Variants in FRY observed in about 807,000 individuals in gnomAD.
FRY encodes the protein FRY microtubule binding protein, also known as protein furry homolog.
A neutral mutation model predicts 348.4 loss-of-function variants in FRY; 128 were observed. That is an observed-to-expected ratio of 0.37 (90% CI 0.32 to 0.43). FRY has a LOEUF of 0.43. Among genes scored for constraint, FRY ranks in the 20% least tolerant of loss-of-function variants. The pLI is 1.00. For synonymous variants in FRY, 1,370 were observed against 1,374.7 expected (o/e 1.00, Z 0.08); for missense variants, 2,736 against 3,695.2 (o/e 0.74, Z 6.73).
intron 7 of FRY, among the ~76,000 whole-genome samples, chr13:32,126,448 T>G (rs1354353887): frequency 6.6e-6 from 1 of 152,226 alleles, no homozygotes; most frequent in Non-Finnish European, 1.5e-5. Flanking sequence ...TAGGTAAGAT[T>G]TATGGTCCAC....
intron 11 of FRY, among the ~76,000 whole-genome samples, chr13:32,137,512 C>T (rs1879793790): frequency 6.6e-6 from 1 of 152,222 alleles, no homozygotes; most frequent in Admixed American, 6.5e-5. Context: ...TGAAGGTATC[C>T]TGTTCAAGCC....
At chr13:32,097,575 G>A (rs1177333483) in intron 2 of FRY, among the ~76,000 whole-genome samples, 3 of 151,838 alleles carry the variant, frequency 2.0e-5, no homozygotes, top group Non-Finnish European at 4.4e-5. Context: ...TGGCCAGGCT[G>A]GTCTCGAATT....
At chr13:32,187,409 A>G (rs1883085093) in intron 27 of FRY, 137 bp from the exon 28 acceptor site, 2 of 673,960 alleles carry the variant, frequency 3.0e-6, no homozygotes, top group Non-Finnish European at 2.7e-6. Flanking sequence ...GAATGCTTTA[A>G]AAATCATGGG....
chr13:32,278,055 G>T (rs933472803), intron 57 of FRY, among the ~76,000 whole-genome samples: 1 of 152,220 alleles, frequency 6.6e-6, no homozygotes, highest in Non-Finnish European at 1.5e-5. Context: ...ACCGCAGCAT[G>T]ACAGAAGTAG....
chr13:32,220,074 A>T (rs1885236031), intron 36 of FRY, among the ~76,000 whole-genome samples: 1 of 152,192 alleles, frequency 6.6e-6, no homozygotes, highest in Non-Finnish European at 1.5e-5. Context: ...GACATTTCAG[A>T]TTTGCTAAGG....
intron 1 of FRY, among the ~76,000 whole-genome samples, chr13:32,048,885 GAGTCAATAAAC>G: frequency 6.6e-6 from 1 of 152,330 alleles, no homozygotes; most frequent in East Asian, 1.9e-4. Context: ...AAGTGCCTGA[GAGTCAATAAAC>G]AGTCCTCCCT....
chr13:32,207,243 T>C (rs971981024), intron 31 of FRY, among the ~76,000 whole-genome samples: 1 of 152,240 alleles, frequency 6.6e-6, no homozygotes, highest in African/African-American at 2.4e-5. Context: ...TATTTGTTTT[T>C]GGGATTTTTT....
chr13:32,268,505 A>AAAATAT (rs1555273232), intron 55 of FRY, among the ~76,000 whole-genome samples: 1 of 28,304 alleles, frequency 3.5e-5, no homozygotes, highest in Non-Finnish European at 8.2e-5. Flanking sequence ...AAAAAAAAAA[A>AAAATAT]ATATATATAT....
chr13:32,109,825 T>C (rs1307698417), intron 3 of FRY, among the ~76,000 whole-genome samples: 1 of 152,172 alleles, frequency 6.6e-6, no homozygotes, highest in Non-Finnish European at 1.5e-5. Flanking sequence ...ATGTGGTCAC[T>C]CAACAAACAC....
At chr13:32,040,921 C>T (rs892788259) in intron 1 of FRY, among the ~76,000 whole-genome samples, 1 of 152,196 alleles carries the variant, frequency 6.6e-6, no homozygotes, top group African/African-American at 2.4e-5. Flanking sequence ...ATGCAAGAGG[C>T]TGTTAGAAAA....
At chr13:32,265,908 A>G (rs1226704711) in intron 54 of FRY, among the ~76,000 whole-genome samples, 1 of 152,226 alleles carries the variant, frequency 6.6e-6, no homozygotes, top group Non-Finnish European at 1.5e-5. Flanking sequence ...AGCTTTGAAG[A>G]TAAGCAACAC....
intron 3 of FRY, among the ~76,000 whole-genome samples, chr13:32,104,774 C>A (rs890929691): frequency 1.3e-5 from 2 of 152,098 alleles, no homozygotes; most frequent in Non-Finnish European, 2.9e-5. Context: ...CCAGTCTTCC[C>A]CATGCTATTC....
intron 1 of FRY, among the ~76,000 whole-genome samples, chr13:32,032,246 CT>C (rs1566038182): frequency 6.6e-6 from 1 of 152,118 alleles, no homozygotes; most frequent in Non-Finnish European, 1.5e-5. Flanking sequence ...TTTGTTCAGG[CT>C]TTCTCTAAAT....
chr13:32,105,830 G>A (rs950835782), intron 3 of FRY, among the ~76,000 whole-genome samples: 2 of 152,076 alleles, frequency 1.3e-5, no homozygotes, highest in Non-Finnish European at 2.9e-5. Flanking sequence ...ATGAACAACA[G>A]GGTATATAGA....
At chr13:32,122,644 T>C (rs762418044) in intron 4 of FRY, among the ~76,000 whole-genome samples, 8 of 152,206 alleles carry the variant, frequency 5.3e-5, no homozygotes, top group Non-Finnish European at 1.5e-5. Context: ...GGATACCTAC[T>C]GTCAGCACTC....
rs2072096760 is a variant in FRY at position 32,298,430 on chromosome 13, T to C, written c.*2970T>C. Reference sequence around the variant, plus strand: ...TCAATTAATATTTGGATACCTATCATGACCCAGGATATTTCTTTGTTCAGC... The same window carrying C: ...TCAATTAATATTTGGATACCTATCACGACCCAGGATATTTCTTTGTTCAGC... On this transcript the variant is annotated 3_prime_UTR_variant, in exon 61 of 61. Transcript: ENST00000542859. 1 of 152,250 alleles carries C rather than the reference T, an allele frequency of 6.6e-6. No individual in the cohort carries two copies. Among genetic ancestry groups the C allele is most frequent in the Admixed American group, 6.5e-5 (1 of 15,290 alleles). 9.4% of individuals were successfully genotyped at this position (152,250 alleles called of 1,614,324 possible). A position where few individuals can be genotyped will look rare whatever the true frequency, so the allele number is the denominator to read the frequency against.
In FRY at chr13:32,134,239, T is replaced by A. The variant is rs188243015; in HGVS notation, c.886-665T>A. Among the ~76,000 whole-genome samples, 136 of 152,354 alleles carry A rather than the reference T, an allele frequency of 8.9e-4. No homozygotes were observed. In the East Asian group the frequency reaches 0.013, roughly 15 times the overall value. ...AAAAATGTTGGCAGGCCAACTTTCC[T>A]ACAGAATGAGTCATTGAGCAACCAA... On this transcript the variant is annotated intron_variant, in intron 8 of 60. Coordinates refer to ENST00000542859, the MANE Select transcript of FRY (RefSeq NM_023037.3).
intron 1 of FRY, among the ~76,000 whole-genome samples, chr13:32,036,955 G>T (rs1439447134): frequency 5.3e-5 from 8 of 151,764 alleles, no homozygotes; most frequent in African/African-American, 1.7e-4. Flanking sequence ...GTCCCTGCCA[G>T]TTCTTAGCCT....
intron 8 of FRY, 51 bp downstream of exon 8, chr13:32,131,891 T>G: frequency 7.3e-7 from 1 of 1,362,946 alleles, no homozygotes; most frequent in Non-Finnish European, 1.1e-6. Context: ...AGCACTTCCC[T>G]TCCTCAAAAT....
Sources: gnomAD v4.1 joint callset for allele counts (sites outside exome capture counted in the v4.1 genomes callset) on GRCh38, gnomAD v4.1.1 for gene constraint, MANE v1.5 for transcripts, NCBI Gene and HGNC (gene_info 2026-07-23, HGNC 2026-07-21) for gene names.